CD163L1: variants seen among roughly 807,000 people sequenced by gnomAD.
CD163L1 encodes the protein scavenger receptor cysteine-rich type 1 protein M160.
CD163L1 carries 124 observed loss-of-function variants against 165.4 expected under a neutral mutation model. The ratio of observed to expected loss-of-function variants is 0.75; its 90% CI spans 0.65 to 0.87. The LOEUF is 0.87. Ranked by LOEUF, CD163L1 falls within the 40% of genes least tolerant of loss-of-function variation. The probability of loss-of-function intolerance (pLI) is 0.00; values close to 1 mark genes in which losing one functional copy is unlikely to be tolerated. For synonymous variants in CD163L1, 585 were observed against 662.2 expected (o/e 0.88, Z 1.79); for missense variants, 1,525 against 1,799.9 (o/e 0.85, Z 2.76).
At chr12:7,417,397 C>G (rs1948267156) in intron 4 of CD163L1, among the ~76,000 whole-genome samples, 1 of 152,008 alleles carries the variant, frequency 6.6e-6, no homozygotes, top group Non-Finnish European at 1.5e-5. Flanking sequence ...ATTTGAATAC[C>G]TTTATTTCTT....
chr12:7,373,266 T>C, intron 14 of CD163L1, 54 bp downstream of exon 14: 1 of 1,447,950 alleles, frequency 6.9e-7, no homozygotes, highest in South Asian at 1.3e-5. Flanking sequence ...CTATTTATGG[T>C]AAGTTATATT....
At position 7,374,559 on chromosome 12, in the gene CD163L1, T is replaced by A; in HGVS notation, c.3292A>T (p.Ile1098Phe). Residue 1098 changes from isoleucine to phenylalanine, a missense_variant, in exon 13 of 20, where the codon ATC becomes TTC. By Grantham distance (21) the Ile-to-Phe change is conservative. Transcript: ENST00000313599. The surrounding 1 kb of genome is among the most constrained non-coding windows in gnomAD (Gnocchi z 5.4). ...GTGCAGTTCAGGTCATCCAGCCAGA[T>A]GGGCCCTGACCCCTCCCCAAAGTGA... is the stretch of plus-strand genomic sequence containing the variant. ...SAHFGEGSGP[I>F]WLDDLNCTGM... The A allele has an allele frequency of 6.2e-7, 1 of 1,614,220 alleles. No individual in the cohort carries two copies. The highest frequency in any genetic ancestry group is 8.5e-7 in the Non-Finnish European group (1 of 1,180,032).
the CD163L1 span, among the ~76,000 whole-genome samples, chr12:7,331,983 C>G: frequency 2.0e-5 from 3 of 152,050 alleles, no homozygotes; most frequent in African/African-American, 7.3e-5. Context: ...TCAAACTACT[C>G]TGAGCTAAAG....
Position 7,365,712 on chromosome 12 carries a change from A to T in CD163L1, c.4279+1524T>A, listed in dbSNP as rs749225159. ...ACATAACTCAAAAAGAAAATGAGATATCATCATACCTCAGGCAGAATGGCT... is the reference window on the plus strand; with the variant it reads ...ACATAACTCAAAAAGAAAATGAGATTTCATCATACCTCAGGCAGAATGGCT... On this transcript the variant is annotated intron_variant, in intron 18 of 19. Transcript: ENST00000313599. Among the ~76,000 whole-genome samples the T allele has an allele frequency of 2.1e-4, 32 of 152,272 alleles. 1 individual carries two copies. The South Asian group carries it at 5.2e-3, about 25-fold the overall frequency.
Position 7,374,991 on chromosome 12 carries a change from G to GT in CD163L1, c.3002-69dup. On this transcript the variant is annotated intron_variant, in intron 11 of 19. Transcript: ENST00000313599. This position sits in a 1 kb window ranked among gnomAD's most constrained non-coding sequence, Gnocchi z 5.4. ...TACATGGAAAAGGTTGAAGAGTTCT[G>GT]TAACAACATGGAATCTGCAATTGTG... The GT allele has an allele frequency of 7.2e-7, 1 of 1,398,034 alleles. No homozygotes were observed. The allele number at this position is 1,398,034 out of a possible 1,614,324, so 86.6% of individuals were successfully genotyped here.
the CD163L1 span, chr12:7,322,302 T>A: frequency 7.0e-7 from 1 of 1,428,236 alleles, no homozygotes; most frequent in Admixed American, 1.7e-5. Flanking sequence ...TTGAATGAAC[T>A]TTGCTAAGAC....
In CD163L1 at chr12:7,432,762, G is replaced by A. The variant is rs964477574; in HGVS notation, c.446-26C>T. On this transcript the variant is annotated intron_variant, in intron 3 of 19. Coordinates refer to ENST00000313599, the MANE Select transcript of CD163L1 (RefSeq NM_174941.6). This position sits in a 1 kb window ranked among gnomAD's most constrained non-coding sequence, Gnocchi z 4.2. Reference sequence around the variant, plus strand: ...CTACGAGAAAGACAAGCAGACATATGAAAAACTGATTCAACTTTGAGCCTG... The same window carrying A: ...CTACGAGAAAGACAAGCAGACATATAAAAAACTGATTCAACTTTGAGCCTG... 6.5e-7 allele frequency: 1 copy of A among 1,544,550 alleles called. No homozygotes were observed. Among genetic ancestry groups the A allele is most frequent in the Non-Finnish European group, 8.7e-7 (1 of 1,142,906 alleles).
At chr12:7,325,444 C>T in the CD163L1 span, among the ~76,000 whole-genome samples, 4 of 152,130 alleles carry the variant, frequency 2.6e-5, no homozygotes, top group East Asian at 5.8e-4. Context: ...GTCAGGAGTT[C>T]GAGACCAGCC....
chr12:7,421,507 A>G (rs1948412399), intron 4 of CD163L1, among the ~76,000 whole-genome samples: 1 of 88,462 alleles, frequency 1.1e-5, no homozygotes, highest in Non-Finnish European at 2.1e-5. Context: ...ATGTACATAT[A>G]CATATACATA....
At chr12:7,397,590 G>A (rs4075106) in intron 7 of CD163L1, among the ~76,000 whole-genome samples, 17,760 of 152,078 alleles carry the variant, frequency 0.12, 1,974 homozygotes, top group African/African-American at 0.29. Flanking sequence ...CCACCTCTGT[G>A]TGAGAATATT....
chr12:7,385,369 T>A lies in CD163L1; in HGVS notation c.2051-6071A>T, dbSNP rs776791370. On this transcript the variant is annotated intron_variant, in intron 8 of 19. Coordinates refer to ENST00000313599, the MANE Select transcript of CD163L1 (RefSeq NM_174941.6). ...AGCACTCAGACATATAAAGCAAATA[T>A]TATTAGACCTGAAGGGAGAGAGTGA... 1.4e-4 allele frequency among the ~76,000 whole-genome samples: 22 copies of A among 152,056 alleles called. 1 individual carries two copies. In the South Asian group the frequency reaches 4.6e-3, roughly 32 times the overall value.
In CD163L1 at chr12:7,398,619, A is replaced by T. The variant is rs1441243146; in HGVS notation, c.1409-35T>A. On this transcript the variant is annotated intron_variant, in intron 6 of 19. Coordinates refer to ENST00000313599, the MANE Select transcript of CD163L1 (RefSeq NM_174941.6). The surrounding 1 kb of genome is among the most constrained non-coding windows in gnomAD (Gnocchi z 4.5). Reference sequence around the variant, plus strand: ...AGACAAAACCACATATTTGAGATCAAATGAGAGAGTCTTTTCAGAAGACTG... The same window carrying T: ...AGACAAAACCACATATTTGAGATCATATGAGAGAGTCTTTTCAGAAGACTG... 6.6e-7 allele frequency: 1 copy of T among 1,505,956 alleles called. No homozygotes were observed. The highest frequency in any genetic ancestry group is 2.3e-5 in the East Asian group (1 of 44,044). 93.3% of individuals were successfully genotyped at this position (1,505,956 alleles called of 1,614,324 possible). A position where few individuals can be genotyped will look rare whatever the true frequency, so the allele number is the denominator to read the frequency against.
chr12:7,402,361 T>C (rs1947929737), intron 6 of CD163L1, among the ~76,000 whole-genome samples: 2 of 152,166 alleles, frequency 1.3e-5, no homozygotes, highest in South Asian at 4.2e-4. Flanking sequence ...CATCCACATA[T>C]AAGGTATTTG....
At chr12:7,328,223 C>T in the CD163L1 span, 17 of 1,287,112 alleles carry the variant, frequency 1.3e-5, no homozygotes, top group Non-Finnish European at 1.9e-5. Flanking sequence ...AAGCTCCTTC[C>T]TATCGCACGG....
At chr12:7,434,263 G>A (rs747415944) in intron 2 of CD163L1, among the ~76,000 whole-genome samples, 2 of 152,156 alleles carry the variant, frequency 1.3e-5, no homozygotes, top group Non-Finnish European at 2.9e-5. Context: ...ATTGTAATAT[G>A]CTAGTCCACC....
At position 7,366,138 on chromosome 12, in the gene CD163L1, A is replaced by AG. The variant is rs370746703; in HGVS notation, c.4279+1097dup. 2.8e-3 allele frequency among the ~76,000 whole-genome samples: 422 copies of AG among 152,296 alleles called. 1 individual carries two copies. Among genetic ancestry groups the AG allele is most frequent in the African/African-American group, 9.9e-3 (410 of 41,568 alleles). On this transcript the variant is annotated intron_variant, in intron 18 of 19. Transcript: ENST00000313599. ...AGAGGTCATTATGTTAAGTGAAATA[A>AG]GCCAAGCACAGAAAGACAAATATCC...
intron 2 of CD163L1, among the ~76,000 whole-genome samples, chr12:7,440,386 G>T (rs1196692667): frequency 6.6e-6 from 1 of 151,634 alleles, no homozygotes; most frequent in Non-Finnish European, 1.5e-5. Flanking sequence ...GCGGAAGTGG[G>T]TGCGGGACCG....
At chr12:7,332,504 AG>A in the CD163L1 span, among the ~76,000 whole-genome samples, 56 of 142,552 alleles carry the variant, frequency 3.9e-4, no homozygotes, top group African/African-American at 5.8e-4. Flanking sequence ...AGTTGAAATG[AG>A]GGAAAAAATG....
intron 8 of CD163L1, among the ~76,000 whole-genome samples, chr12:7,391,179 C>T (rs1239044720): frequency 6.6e-6 from 1 of 152,124 alleles, no homozygotes; most frequent in Non-Finnish European, 1.5e-5. Context: ...TCAACATCAA[C>T]AAAAAGGATA....
Sources: gnomAD v4.1 joint callset for allele counts (sites outside exome capture counted in the v4.1 genomes callset) on GRCh38, gnomAD v4.1.1 for gene constraint, Gnocchi (gnomAD v3.1) non-coding constraint, MANE v1.5 for transcripts, NCBI Gene and HGNC (gene_info 2026-07-23, HGNC 2026-07-21) for gene names.